Variants in LZTS1 observed in about 807,000 individuals in gnomAD.
LZTS1 encodes leucine zipper tumor suppressor 1, also known as leucine zipper putative tumor suppressor 1.
In LZTS1, 31 loss-of-function variants were observed where a neutral mutation model predicts 45.8. The observed-to-expected ratio is 0.68, with a 90% CI of 0.51 to 0.91. The LOEUF is 0.91. Among genes scored for constraint, LZTS1 ranks in the 40% least tolerant of loss-of-function variants. LZTS1 has a pLI of 0.00. For missense variants in LZTS1, 821 were observed against 788.9 expected (o/e 1.04, Z -0.49); for synonymous variants, 359 against 357.3 (o/e 1.00, Z -0.05).
chr8:20,249,845 C>A lies in LZTS1; in HGVS notation c.1668G>T (p.Arg556=). The change falls in exon 4 of 4, where the codon CGG becomes CGT. Residue 556 remains arginine, a synonymous_variant. Coordinates refer to ENST00000381569, the MANE Select transcript of LZTS1 (RefSeq NM_021020.5). ...LQQSYVAMYQ[R]NQRLEKALQQ... is the part of the protein sequence containing the mutation. Reference sequence around the variant, plus strand: ...GCAGGGCCTTCTCCAGGCGCTGGTTCCGCTGGTACATGGCCACGTAGCTCT... The same window carrying A: ...GCAGGGCCTTCTCCAGGCGCTGGTTACGCTGGTACATGGCCACGTAGCTCT... 1 of 1,614,228 alleles carries A rather than the reference C, an allele frequency of 6.2e-7. No individual in the cohort carries two copies. Among genetic ancestry groups the A allele is most frequent in the Non-Finnish European group, 8.5e-7 (1 of 1,180,028 alleles).
chr8:20,247,941 C>A lies in LZTS1; in HGVS notation c.*1781G>T, dbSNP rs1429033666. ...TGAGAACAGCAGCTGTGGCTACAGT[C>A]AAAAATAGAACATGGAACAGCCTGC... On this transcript the variant is annotated 3_prime_UTR_variant, in exon 4 of 4. Coordinates refer to ENST00000381569, the MANE Select transcript of LZTS1 (RefSeq NM_021020.5). The A allele has an allele frequency of 6.6e-6, 1 of 152,472 alleles. No homozygotes were observed. The highest frequency in any genetic ancestry group is 2.4e-5 in the African/African-American group (1 of 41,364). The allele number at this position is 152,472 out of a possible 1,614,324, so 9.4% of individuals were successfully genotyped here.
At chr8:20,293,337 G>A (rs1023215373) in intron 1 of LZTS1, among the ~76,000 whole-genome samples, 3 of 152,070 alleles carry the variant, frequency 2.0e-5, no homozygotes, top group Non-Finnish European at 2.9e-5. Context: ...TGACTCCAAC[G>A]TGCCTTTCTA....
rs1799861369 is a variant in LZTS1 at position 20,250,300 on chromosome 8, C to T, written c.1213G>A (p.Val405Met). 6.2e-7 allele frequency: 1 copy of T among 1,613,746 alleles called. No individual in the cohort carries two copies. Among genetic ancestry groups the T allele is most frequent in the Non-Finnish European group, 8.5e-7 (1 of 1,179,940 alleles). ...AGGATCTCGCTAGCCTTGGCGTTCA[C>T]CTCCGTCTGGGACTCCTTCAGCTGC... ...KQQLKESQTE[V>M]NAKASEILGL... Residue 405 changes from valine to methionine, a missense_variant, in exon 4 of 4, where the codon GTG (valine) becomes ATG (methionine). Coordinates refer to ENST00000381569, the MANE Select transcript of LZTS1 (RefSeq NM_021020.5).
At chr8:20,289,633 C>T (rs1458525727) in intron 1 of LZTS1, among the ~76,000 whole-genome samples, 2 of 152,228 alleles carry the variant, frequency 1.3e-5, no homozygotes, top group African/African-American at 2.4e-5. Flanking sequence ...TTCCTCTTGT[C>T]TCCTGTCCTG....
chr8:20,259,111 A>G (rs1800170909), intron 1 of LZTS1, among the ~76,000 whole-genome samples: 1 of 152,168 alleles, frequency 6.6e-6, no homozygotes, highest in Non-Finnish European at 1.5e-5. Context: ...TTTTTTTGCC[A>G]TGCAATACAC....
intron 1 of LZTS1, among the ~76,000 whole-genome samples, chr8:20,293,584 G>A (rs868223): frequency 0.62 from 94,808 of 152,082 alleles, 29,981 homozygotes; most frequent in Non-Finnish European, 0.67. Flanking sequence ...GCACCTGAGC[G>A]TAGCACAGGG....
At chr8:20,299,147 A>G (rs1801028986) in intron 1 of LZTS1, among the ~76,000 whole-genome samples, 1 of 152,172 alleles carries the variant, frequency 6.6e-6, no homozygotes, top group African/African-American at 2.4e-5. Flanking sequence ...TGGCTGGCCA[A>G]ACCCAGCATA....
At chr8:20,291,041 A>T (rs1240747563) in intron 1 of LZTS1, among the ~76,000 whole-genome samples, 1 of 152,210 alleles carries the variant, frequency 6.6e-6, no homozygotes, top group Non-Finnish European at 1.5e-5. Flanking sequence ...GCATAAGCCA[A>T]TCTGAGCATG....
intron 1 of LZTS1, among the ~76,000 whole-genome samples, chr8:20,259,128 G>A (rs1011717887): frequency 2.0e-5 from 3 of 152,076 alleles, no homozygotes; most frequent in Non-Finnish European, 2.9e-5. Context: ...ACACATTGCC[G>A]AGCAGCTGTA....
intron 1 of LZTS1, among the ~76,000 whole-genome samples, chr8:20,279,275 C>G (rs1800641073): frequency 6.6e-6 from 1 of 152,186 alleles, no homozygotes; most frequent in Admixed American, 6.5e-5. Flanking sequence ...CTCTGCTAGT[C>G]TTTGGGCTTC....
At chr8:20,301,274 C>T (rs1350264321) in intron 1 of LZTS1, among the ~76,000 whole-genome samples, 1 of 152,168 alleles carries the variant, frequency 6.6e-6, no homozygotes, top group African/African-American at 2.4e-5. Flanking sequence ...CCTTACTAAG[C>T]TGATCTCAAA....
At chr8:20,284,561 C>A (rs1800753477) in intron 1 of LZTS1, among the ~76,000 whole-genome samples, 1 of 151,958 alleles carries the variant, frequency 6.6e-6, no homozygotes, top group Admixed American at 6.5e-5. Context: ...GTATTAAGAA[C>A]CAAAAGCCCA....
intron 1 of LZTS1, among the ~76,000 whole-genome samples, chr8:20,301,302 T>A (rs1044898835): frequency 6.6e-6 from 1 of 152,144 alleles, no homozygotes. Context: ...CCCTCGGTTT[T>A]GTAGCCTGGC....
intron 1 of LZTS1, among the ~76,000 whole-genome samples, chr8:20,278,516 C>G (rs1800627562): frequency 1.3e-5 from 2 of 152,312 alleles, no homozygotes; most frequent in Admixed American, 1.3e-4. Context: ...CCACCGGGCT[C>G]TCTTACAAGC....
Position 20,285,356 on chromosome 8 carries a change from C to A in LZTS1, c.-135+18384G>T, listed in dbSNP as rs377591173. On this transcript the variant is annotated intron_variant, in intron 1 of 3. Coordinates refer to ENST00000381569, the MANE Select transcript of LZTS1 (RefSeq NM_021020.5). Reference sequence around the variant, plus strand: ...ATGTGTAGATACGAGTTAGTGAGCCCCACTATGTCTCTGGGGCTTATCCAT... The same window carrying A: ...ATGTGTAGATACGAGTTAGTGAGCCACACTATGTCTCTGGGGCTTATCCAT... 1.3e-4 allele frequency among the ~76,000 whole-genome samples: 19 copies of A among 151,804 alleles called. 1 individual carries two copies. The highest frequency in any genetic ancestry group is 4.6e-4 in the African/African-American group (19 of 41,332).
chr8:20,250,167 A>T lies in LZTS1; in HGVS notation c.1346T>A (p.Val449Asp). ...CTTGCGCTGCAGCTCATTCTCACAG[A>T]CCTCCAGCTCCAGGCCCTTGGTGCG... ...ALRTKGLELE[V>D]CENELQRKKN... The change falls in exon 4 of 4, where the codon GTC becomes GAC. Residue 449 changes from valine (V) to aspartate (D), a missense_variant. Physicochemically the swap from Val to Asp is radical, Grantham distance 152. Transcript: ENST00000381569. 1 of 1,609,480 alleles carries T rather than the reference A, an allele frequency of 6.2e-7. No individual in the cohort carries two copies.
intron 1 of LZTS1, among the ~76,000 whole-genome samples, chr8:20,281,190 T>A (rs555393984): frequency 6.6e-6 from 1 of 152,268 alleles, no homozygotes; most frequent in South Asian, 2.1e-4. Context: ...CCAAATCTCA[T>A]GTTGAAATTT....
chr8:20,295,611 T>A (rs879877037), intron 1 of LZTS1, among the ~76,000 whole-genome samples: 3 of 152,150 alleles, frequency 2.0e-5, no homozygotes, highest in Non-Finnish European at 2.9e-5. Context: ...TTATAACCTA[T>A]GCTGGGAGGG....
chr8:20,297,597 A>G (rs894356034), intron 1 of LZTS1, among the ~76,000 whole-genome samples: 1 of 151,954 alleles, frequency 6.6e-6, no homozygotes, highest in African/African-American at 2.4e-5. Context: ...TGTATTTTTA[A>G]TAGAGATGGG....
Sources: allele counts gnomAD v4.1 joint callset (sites outside exome capture counted in the v4.1 genomes callset), GRCh38; gene constraint gnomAD v4.1.1; transcripts MANE v1.5; gene names NCBI Gene and HGNC (gene_info 2026-07-23, HGNC 2026-07-21).